The following RAP1GDS1 variants were observed in gnomAD, a reference collection of about 807,000 sequenced individuals.
The protein encoded by RAP1GDS1 is Rap1 GTPase-GDP dissociation stimulator 1.
RAP1GDS1 carries 35 observed loss-of-function variants against 71.1 expected under a neutral mutation model. That is an observed-to-expected ratio of 0.49 (90% CI 0.38 to 0.65). The LOEUF is 0.65. Among genes scored for constraint, RAP1GDS1 ranks in the 30% least tolerant of loss-of-function variants. The probability of loss-of-function intolerance (pLI) is 0.00; values close to 1 mark genes in which losing one functional copy is unlikely to be tolerated. For synonymous variants in RAP1GDS1, 229 were observed against 243.1 expected (o/e 0.94, Z 0.54); for missense variants, 663 against 706.1 (o/e 0.94, Z 0.69).
intron 6 of RAP1GDS1, among the ~76,000 whole-genome samples, chr4:98,394,582 T>C (rs1448948019): frequency 6.6e-6 from 1 of 152,114 alleles, no homozygotes; most frequent in East Asian, 1.9e-4. Flanking sequence ...GGCCTAATCC[T>C]TACAGTTAAC....
intron 2 of RAP1GDS1, among the ~76,000 whole-genome samples, chr4:98,296,561 T>C (rs1578341480): frequency 6.6e-6 from 1 of 152,268 alleles, no homozygotes; most frequent in Middle Eastern, 3.4e-3. Context: ...CATTCACTCA[T>C]ATAAATACAT....
chr4:98,434,434 T>C (rs1324740551), intron 13 of RAP1GDS1, among the ~76,000 whole-genome samples: 6 of 152,060 alleles, frequency 3.9e-5, no homozygotes, highest in Non-Finnish European at 8.8e-5. Flanking sequence ...TTCTCTTCCA[T>C]CTCTGCTGGT....
chr4:98,263,573 G>A (rs778323905), intron 1 of RAP1GDS1, among the ~76,000 whole-genome samples: 16 of 152,138 alleles, frequency 1.1e-4, no homozygotes, highest in Non-Finnish European at 2.2e-4. Context: ...TAGCACTTAC[G>A]TAATCTACCA....
At chr4:98,421,205 A>G (rs1351494924) in intron 11 of RAP1GDS1, 50 bp from the exon 12 acceptor site, 7 of 1,503,750 alleles carry the variant, frequency 4.7e-6, no homozygotes, top group Non-Finnish European at 5.4e-6. Context: ...AATTATTTCA[A>G]CTGATTGTCT....
chr4:98,301,608 A>G (rs1728596712), intron 2 of RAP1GDS1, among the ~76,000 whole-genome samples: 1 of 152,114 alleles, frequency 6.6e-6, no homozygotes, highest in Non-Finnish European at 1.5e-5. Context: ...GAGAGTTAAG[A>G]CTCCAGAGAC....
chr4:98,366,762 G>T (rs1739558576), intron 4 of RAP1GDS1, among the ~76,000 whole-genome samples: 1 of 152,160 alleles, frequency 6.6e-6, no homozygotes, highest in South Asian at 2.1e-4. Context: ...CTGCCCTAGA[G>T]ATTTGTGGAA....
At chr4:98,399,468 A>AT (rs767547355) in intron 6 of RAP1GDS1, among the ~76,000 whole-genome samples, 14 of 151,956 alleles carry the variant, frequency 9.2e-5, no homozygotes, top group Admixed American at 2.0e-4. Context: ...TTGTTTTTGT[A>AT]TTTTTTGTAG....
chr4:98,338,638 C>T (rs1030287315), intron 2 of RAP1GDS1, among the ~76,000 whole-genome samples: 1 of 152,174 alleles, frequency 6.6e-6, no homozygotes, highest in Non-Finnish European at 1.5e-5. Context: ...ACTATTTTAC[C>T]ACTTTTTTAT....
intron 2 of RAP1GDS1, among the ~76,000 whole-genome samples, chr4:98,325,382 G>A (rs1732842088): frequency 6.6e-6 from 1 of 150,902 alleles, no homozygotes; most frequent in Non-Finnish European, 1.5e-5. Context: ...CAGGGATCTA[G>A]AACTAGAAAT....
chr4:98,343,316 A>T (rs750397878), intron 3 of RAP1GDS1, 55 bp downstream of exon 3: 2 of 1,519,330 alleles, frequency 1.3e-6, no homozygotes, highest in Non-Finnish European at 1.8e-6. Context: ...TTTACATCTT[A>T]CTTGTCAGTA....
chr4:98,346,654 C>A (rs987388854), intron 3 of RAP1GDS1, among the ~76,000 whole-genome samples: 31 of 151,930 alleles, frequency 2.0e-4, no homozygotes, highest in African/African-American at 7.5e-4. Flanking sequence ...AAGCAATTCT[C>A]CTGCCTCAGC....
chr4:98,367,393 T>C (rs7659415), intron 4 of RAP1GDS1, among the ~76,000 whole-genome samples: 301 of 152,300 alleles, frequency 2.0e-3, no homozygotes, highest in African/African-American at 7.1e-3. Flanking sequence ...ATGGAGAACC[T>C]CTGCTAAGGC....
chr4:98,417,599 G>A (rs769761938), intron 9 of RAP1GDS1, 101 bp downstream of exon 9: 271 of 1,168,248 alleles, frequency 2.3e-4, no homozygotes, highest in Non-Finnish European at 3.2e-4. Context: ...TAGAAGTTGT[G>A]TAATATGTGT....
At chr4:98,335,919 T>G (rs754216732) in intron 2 of RAP1GDS1, among the ~76,000 whole-genome samples, 2 of 152,130 alleles carry the variant, frequency 1.3e-5, no homozygotes, top group African/African-American at 2.4e-5. Flanking sequence ...ACTCATTTTC[T>G]TAGATGCCCT....
intron 2 of RAP1GDS1, among the ~76,000 whole-genome samples, chr4:98,328,862 A>T (rs1000351983): frequency 6.6e-6 from 1 of 152,218 alleles, no homozygotes; most frequent in Non-Finnish European, 1.5e-5. Flanking sequence ...AGTTTTATCA[A>T]TAATTGCCTG....
chr4:98,323,341 G>A (rs2110346155), intron 2 of RAP1GDS1, among the ~76,000 whole-genome samples: 1 of 142,688 alleles, frequency 7.0e-6, no homozygotes, highest in Non-Finnish European at 1.5e-5. Flanking sequence ...TCTACCAGAG[G>A]TACAAGGAGG....
chr4:98,311,508 T>C (rs766088581), intron 2 of RAP1GDS1, among the ~76,000 whole-genome samples: 1 of 152,196 alleles, frequency 6.6e-6, no homozygotes. Context: ...AAATCTTACA[T>C]ACCTATGAAG....
rs1742477890 is a variant in RAP1GDS1, at chr4:98,384,664, A to G, written c.508+5501A>G. ...TTGATTTTCAGTAGAGGTGTATCAG[A>G]TACACATTTTGGTCTAATTCCACAT... On this transcript the variant is annotated intron_variant, in intron 5 of 14. Coordinates refer to ENST00000408927, the MANE Select transcript of RAP1GDS1 (RefSeq NM_001100427.2). Among the ~76,000 whole-genome samples the G allele has an allele frequency of 2.0e-5, 3 of 151,764 alleles. No homozygotes were observed. The East Asian group carries it at 5.8e-4, about 29-fold the overall frequency.
At chr4:98,297,193 G>C (rs1727912431) in intron 2 of RAP1GDS1, among the ~76,000 whole-genome samples, 1 of 152,072 alleles carries the variant, frequency 6.6e-6, no homozygotes, top group Non-Finnish European at 1.5e-5. Flanking sequence ...AATCTTCTAT[G>C]ATAATATTCA....
Sources: gnomAD v4.1 joint callset for allele counts (sites outside exome capture counted in the v4.1 genomes callset) on GRCh38, gnomAD v4.1.1 for gene constraint, MANE v1.5 for transcripts, NCBI Gene and HGNC (gene_info 2026-07-23, HGNC 2026-07-21) for gene names.